The following FNDC3B variants were observed in gnomAD, a reference collection of about 807,000 sequenced individuals.
FNDC3B encodes fibronectin type III domain containing 3B.
FNDC3B carries 12 observed loss-of-function variants against 151.5 expected under a neutral mutation model. The ratio of observed to expected loss-of-function variants is 0.08; its 90% CI spans 0.05 to 0.13. FNDC3B has a LOEUF of 0.13. FNDC3B is among the 10% of genes least tolerant of loss of function. The pLI is 1.00. For missense variants in FNDC3B, 1,214 were observed against 1,505.3 expected, an observed-to-expected ratio of 0.81 and a Z score of 3.20; for synonymous variants, 528 against 549.0, an observed-to-expected ratio of 0.96 and a Z score of 0.54.
chr3:172,186,333 GAACTCCCA>G (rs1222054574), intron 3 of FNDC3B, among the ~76,000 whole-genome samples: 3 of 152,142 alleles, frequency 2.0e-5, no homozygotes, highest in Admixed American at 1.3e-4. Context: ...TATAAGAAAA[GAACTCCCA>G]ATTTGGGGTT....
intron 4 of FNDC3B, among the ~76,000 whole-genome samples, chr3:172,242,448 AGTCTAGGCGGAG>A (rs1170283711): frequency 6.6e-6 from 1 of 152,180 alleles, no homozygotes; most frequent in East Asian, 1.9e-4. Flanking sequence ...CAGCCTCTGA[AGTCTAGGCGGAG>A]GTTCCCAAAC....
chr3:172,168,665 T>A (rs1484162964), intron 3 of FNDC3B, among the ~76,000 whole-genome samples: 1 of 152,090 alleles, frequency 6.6e-6, no homozygotes, highest in Non-Finnish European at 1.5e-5. Context: ...TTTTAAAGTT[T>A]CTATCATGTC....
At chr3:172,236,627 A>G (rs1401138884) in intron 4 of FNDC3B, among the ~76,000 whole-genome samples, 1 of 152,134 alleles carries the variant, frequency 6.6e-6, no homozygotes, top group Non-Finnish European at 1.5e-5. Context: ...GGTTCTCTGC[A>G]GTATCTGGAG....
Position 172,307,473 on chromosome 3 carries a change from G to A in FNDC3B, c.1172G>A (p.Ser391Asn), listed in dbSNP as rs759145717. The change falls in exon 10 of 26, where the codon AGC (serine) becomes AAC (asparagine). Residue 391 changes from serine to asparagine, a missense_variant. Physicochemically the swap from Ser to Asn is conservative, Grantham distance 46. Around this residue, in one of 7 missense-constraint regions of FNDC3B, gnomAD observed 156 missense variants for 225.3 expected, o/e 0.69. Coordinates refer to ENST00000415807, the MANE Select transcript of FNDC3B (RefSeq NM_022763.4). ...CPFPPKLAHR[S>N]KSSLTLQWKA... is the part of the protein sequence containing the mutation. ...TTCCCCCCTAAGCTGGCACATAGGA[G>A]CAAAAGTTCACTAACCCTGCAGTGG... 6.2e-7 allele frequency: 1 copy of A among 1,614,104 alleles called. No homozygotes were observed. Among genetic ancestry groups the A allele is most frequent in the Non-Finnish European group, 8.5e-7 (1 of 1,179,984 alleles).
chr3:172,146,988 T>G (rs1473037896), intron 3 of FNDC3B, among the ~76,000 whole-genome samples: 1 of 152,162 alleles, frequency 6.6e-6, no homozygotes, highest in Non-Finnish European at 1.5e-5. Flanking sequence ...CAGGTATGAT[T>G]ATGCAGAGTG....
intron 3 of FNDC3B, among the ~76,000 whole-genome samples, chr3:172,147,297 C>A (rs1721962801): frequency 7.4e-6 from 1 of 134,926 alleles, no homozygotes; most frequent in African/African-American, 2.8e-5. Context: ...CAGAGTGAGA[C>A]CCTGTCTCCA....
intron 3 of FNDC3B, among the ~76,000 whole-genome samples, chr3:172,140,447 T>C (rs1021189089): frequency 6.6e-6 from 1 of 152,220 alleles, no homozygotes; most frequent in African/African-American, 2.4e-5. Flanking sequence ...GTTTGGGGGC[T>C]CTATTTTGCA....
intron 2 of FNDC3B, among the ~76,000 whole-genome samples, chr3:172,125,140 T>C (rs1720750034): frequency 1.3e-5 from 2 of 152,204 alleles, no homozygotes; most frequent in Admixed American, 1.3e-4. Flanking sequence ...TAGTAAATTG[T>C]AAACTTTATA....
intron 1 of FNDC3B, among the ~76,000 whole-genome samples, chr3:172,098,015 A>AT (rs1719176098): frequency 3.3e-5 from 5 of 151,598 alleles, no homozygotes; most frequent in Non-Finnish European, 7.4e-5. Context: ...AGCTGCAAGA[A>AT]ATTTTTTTTT....
At chr3:172,213,450 C>T (rs530037048) in intron 3 of FNDC3B, among the ~76,000 whole-genome samples, 2 of 152,302 alleles carry the variant, frequency 1.3e-5, no homozygotes, top group South Asian at 2.1e-4. Flanking sequence ...TGAAGAAACT[C>T]CTATCTTCTC....
At chr3:172,152,647 A>C (rs1483405606) in intron 3 of FNDC3B, among the ~76,000 whole-genome samples, 1 of 139,000 alleles carries the variant, frequency 7.2e-6, no homozygotes, top group Non-Finnish European at 1.5e-5. Flanking sequence ...GCTGTCTTTT[A>C]AGAGCCCTTC....
chr3:172,231,027 A>T (rs988729775), intron 4 of FNDC3B, among the ~76,000 whole-genome samples: 2 of 152,378 alleles, frequency 1.3e-5, no homozygotes, highest in Middle Eastern at 3.4e-3. Context: ...AGCATTATTC[A>T]TAATAGCCCC....
chr3:172,281,478 G>C (rs911718202), intron 6 of FNDC3B, among the ~76,000 whole-genome samples: 1 of 152,060 alleles, frequency 6.6e-6, no homozygotes, highest in African/African-American at 2.4e-5. Flanking sequence ...CCCCAGCCGT[G>C]GTCACCAGCA....
intron 13 of FNDC3B, among the ~76,000 whole-genome samples, chr3:172,330,986 TTTAGAAATTAA>T (rs1348296882): frequency 9.0e-6 from 1 of 111,584 alleles, no homozygotes; most frequent in African/African-American, 3.9e-5. Flanking sequence ...TTAGAAATTA[TTTAGAAATTAA>T]CCATTTTTAT....
At chr3:172,116,235 TAC>T (rs1271050392) in intron 2 of FNDC3B, among the ~76,000 whole-genome samples, 2 of 152,236 alleles carry the variant, frequency 1.3e-5, no homozygotes, top group African/African-American at 2.4e-5. Context: ...AGAAGCAGCT[TAC>T]ACAGTTTTCC....
chr3:172,225,996 T>C (rs1008873015), intron 3 of FNDC3B: 1 of 152,204 alleles, frequency 6.6e-6, no homozygotes, highest in African/African-American at 2.4e-5. Context: ...TACATATTTT[T>C]AATAGTTCCT....
chr3:172,200,908 G>A (rs543783122), intron 3 of FNDC3B, among the ~76,000 whole-genome samples: 1 of 152,244 alleles, frequency 6.6e-6, no homozygotes, highest in African/African-American at 2.4e-5. Context: ...TCTCAAAAGG[G>A]TACCCAGCAC....
At chr3:172,349,731 C>G (rs987889356) in intron 21 of FNDC3B, among the ~76,000 whole-genome samples, 1 of 152,180 alleles carries the variant, frequency 6.6e-6, no homozygotes, top group Non-Finnish European at 1.5e-5. Context: ...TCTTGGCTCA[C>G]TGCAACCTCC....
At chr3:172,247,845 T>C (rs991593673) in intron 5 of FNDC3B, 69 bp downstream of exon 5, 6 of 1,540,682 alleles carry the variant, frequency 3.9e-6, no homozygotes, top group East Asian at 2.3e-5. Context: ...TTCAAGGCGG[T>C]CCTTTGTTTC....
Sources: allele counts gnomAD v4.1 joint callset (sites outside exome capture counted in the v4.1 genomes callset), GRCh38; gene constraint gnomAD v4.1.1; regional missense constraint gnomAD v4.1.1; transcripts MANE v1.5; gene names NCBI Gene and HGNC (gene_info 2026-07-23, HGNC 2026-07-21).